The following NTRK2 variants were observed in gnomAD, a reference collection of about 807,000 sequenced individuals.
NTRK2 encodes neurotrophic receptor tyrosine kinase 2, also known as BDNF/NT-3 growth factors receptor.
NTRK2 carries 13 observed loss-of-function variants against 94.5 expected under a neutral mutation model. The ratio of observed to expected loss-of-function variants is 0.14; its 90% CI spans 0.09 to 0.22. The LOEUF (loss-of-function observed/expected upper bound fraction) is 0.22. Ranked by LOEUF, NTRK2 falls within the 10% of genes least tolerant of loss-of-function variation. NTRK2 has a pLI of 1.00. For synonymous variants in NTRK2, 372 were observed against 407.4 expected, an observed-to-expected ratio of 0.91 and a Z score of 1.05; for missense variants, 639 against 1,071.2, an observed-to-expected ratio of 0.60 and a Z score of 5.63.
intron 14 of NTRK2, among the ~76,000 whole-genome samples, chr9:84,919,296 C>CA (rs1368995415): frequency 1.3e-5 from 2 of 152,184 alleles, no homozygotes; most frequent in Non-Finnish European, 2.9e-5. Flanking sequence ...CTCTAGTAGG[C>CA]AAATGCTTGG....
intron 17 of NTRK2, among the ~76,000 whole-genome samples, chr9:84,965,598 T>C (rs1406563070): frequency 6.6e-6 from 1 of 152,224 alleles, no homozygotes; most frequent in East Asian, 1.9e-4. Flanking sequence ...TTAGATGACC[T>C]GTTAACAAGT....
chr9:84,819,807 G>GT (rs2072670631), intron 12 of NTRK2, among the ~76,000 whole-genome samples: 1 of 152,122 alleles, frequency 6.6e-6, no homozygotes, highest in South Asian at 2.1e-4. Context: ...CCTGGAGTTG[G>GT]TAAGGGCTTC....
chr9:84,775,351 T>G (rs2066929475), intron 12 of NTRK2, among the ~76,000 whole-genome samples: 1 of 152,230 alleles, frequency 6.6e-6, no homozygotes, highest in Admixed American at 6.5e-5. Flanking sequence ...CTGCAGCACA[T>G]TTATTTTTTT....
chr9:85,025,074 G>A lies in NTRK2; in HGVS notation c.*3637G>A, dbSNP rs952627545. The A allele has an allele frequency of 8.6e-6, 2 of 232,898 alleles. No individual in the cohort carries two copies. The highest frequency in any genetic ancestry group is 1.7e-5 in the Non-Finnish European group (2 of 117,936). The allele number at this position is 232,898 out of a possible 1,614,324, so 14.4% of individuals were successfully genotyped here. A position where few individuals can be genotyped will look rare whatever the true frequency, so the allele number is the denominator to read the frequency against. On this transcript the variant is annotated 3_prime_UTR_variant, in exon 19 of 19. Transcript: ENST00000277120. Reference sequence around the variant, plus strand: ...TGCTAAATAACCAAAACTGTTTAACGTCATGTTGCTGTTAGTGCTTCCATA... The same window carrying A: ...TGCTAAATAACCAAAACTGTTTAACATCATGTTGCTGTTAGTGCTTCCATA...
At chr9:84,978,386 C>T (rs1026410340) in intron 17 of NTRK2, among the ~76,000 whole-genome samples, 2 of 152,178 alleles carry the variant, frequency 1.3e-5, no homozygotes, top group African/African-American at 4.8e-5. Flanking sequence ...AAGATCGAAA[C>T]AGTCACAACA....
rs1186693600 is a variant in NTRK2 at position 84,815,830 on chromosome 9, T to C, written c.1397-45210T>C. Reference sequence around the variant, plus strand: ...ACTTTAGAAGAAACAGTGTGAGAAATGTCACGGAGAGTTTCAGGGGAGTAC... The same window carrying C: ...ACTTTAGAAGAAACAGTGTGAGAAACGTCACGGAGAGTTTCAGGGGAGTAC... On this transcript the variant is annotated intron_variant, in intron 12 of 18. Coordinates refer to ENST00000277120, the MANE Select transcript of NTRK2 (RefSeq NM_006180.6). 5.0e-6 allele frequency: 4 copies of C among 797,940 alleles called. No individual in the cohort carries two copies. In the Admixed American group the frequency reaches 1.9e-4, roughly 37 times the overall value. 49.4% of individuals were successfully genotyped at this position (797,940 alleles called of 1,614,324 possible).
At chr9:84,856,518 G>T (rs2075071426) in intron 12 of NTRK2, among the ~76,000 whole-genome samples, 1 of 152,114 alleles carries the variant, frequency 6.6e-6, no homozygotes. Flanking sequence ...AGTCATTCTA[G>T]ATCTCAGATG....
intron 17 of NTRK2, among the ~76,000 whole-genome samples, chr9:84,978,411 A>G (rs796287703): frequency 1.2e-4 from 18 of 152,344 alleles, no homozygotes; most frequent in African/African-American, 4.1e-4. Context: ...CTTAAACCAA[A>G]GCCAAATTTA....
At chr9:84,773,386 T>C (rs1158743882) in intron 12 of NTRK2, among the ~76,000 whole-genome samples, 2 of 152,204 alleles carry the variant, frequency 1.3e-5, no homozygotes, top group Non-Finnish European at 2.9e-5. Context: ...AATTATGGCA[T>C]GGGAAGAACA....
At chr9:84,899,433 A>C (rs2076860010) in intron 14 of NTRK2, among the ~76,000 whole-genome samples, 3 of 152,348 alleles carry the variant, frequency 2.0e-5, no homozygotes, top group African/African-American at 7.2e-5. Context: ...CAGTTCTGTT[A>C]CACCACTAAT....
At chr9:84,705,782 C>CTT (rs36124860) in intron 4 of NTRK2, among the ~76,000 whole-genome samples, 10,605 of 109,556 alleles carry the variant, frequency 0.097, 669 homozygotes, top group Non-Finnish European at 0.13. Context: ...GAAACCCATT[C>CTT]TTTTTTTTTT....
intron 6 of NTRK2, among the ~76,000 whole-genome samples, chr9:84,711,364 T>A (rs970535992): frequency 5.9e-5 from 9 of 152,166 alleles, no homozygotes; most frequent in Non-Finnish European, 5.9e-5. Context: ...CTATTCCTCT[T>A]CCCAGCGTTT....
At chr9:84,794,961 A>G (rs1318628436) in intron 12 of NTRK2, among the ~76,000 whole-genome samples, 2 of 152,164 alleles carry the variant, frequency 1.3e-5, no homozygotes, top group Admixed American at 6.5e-5. Flanking sequence ...ACTCCTCCCT[A>G]GCCTGGGACT....
intron 17 of NTRK2, among the ~76,000 whole-genome samples, chr9:85,010,172 G>A (rs547191138): frequency 8.1e-4 from 124 of 152,278 alleles, no homozygotes; most frequent in Middle Eastern, 6.8e-3. Flanking sequence ...ACAAATTGCT[G>A]CATTTGTCCC....
chr9:84,741,890 A>G lies in NTRK2; in HGVS notation c.1160-2A>G. The G allele has an allele frequency of 6.2e-7, 1 of 1,612,746 alleles. No individual in the cohort carries two copies. Among genetic ancestry groups the G allele is most frequent in the Non-Finnish European group, 8.5e-7 (1 of 1,179,320 alleles). On this transcript the variant is annotated splice_acceptor_variant, in intron 9 of 18. Transcript: ENST00000277120. LOFTEE classifies it high-confidence loss of function. ...AAATCTTTGCTCTGTTTTGCCTTTT[A>G]GGTGCAAACCCAAATTATCCTGATG...
chr9:84,722,437 G>T (rs1466898849), intron 6 of NTRK2, among the ~76,000 whole-genome samples: 3 of 152,186 alleles, frequency 2.0e-5, no homozygotes, highest in East Asian at 1.9e-4. Flanking sequence ...AAGACGAAGG[G>T]TCAGATATTG....
At chr9:84,769,580 G>A (rs1057108749) in intron 12 of NTRK2, among the ~76,000 whole-genome samples, 12 of 152,152 alleles carry the variant, frequency 7.9e-5, no homozygotes, top group South Asian at 2.1e-4. Context: ...TCAGAGTGGT[G>A]TTGTTGGTTA....
intron 15 of NTRK2, among the ~76,000 whole-genome samples, chr9:84,934,694 AG>A (rs1235899393): frequency 2.6e-5 from 4 of 152,312 alleles, no homozygotes; most frequent in Middle Eastern, 3.4e-3. Flanking sequence ...TGGTTCTGGA[AG>A]GAAGGATTGT....
intron 10 of NTRK2, among the ~76,000 whole-genome samples, chr9:84,744,180 A>C (rs747570896): frequency 6.6e-6 from 1 of 152,210 alleles, no homozygotes; most frequent in Admixed American, 6.5e-5. Context: ...GCTAATAAAA[A>C]CTTTGACAAC....
Sources: allele counts gnomAD v4.1 joint callset (sites outside exome capture counted in the v4.1 genomes callset), GRCh38; gene constraint gnomAD v4.1.1; transcripts MANE v1.5; gene names NCBI Gene and HGNC (gene_info 2026-07-23, HGNC 2026-07-21).